The following WBP1L variants were observed in gnomAD, a reference collection of about 807,000 sequenced individuals.
WBP1L encodes WW domain binding protein 1-like.
A neutral mutation model predicts 33.7 loss-of-function variants in WBP1L; 17 were observed. That is an observed-to-expected ratio of 0.50 (90% CI 0.34 to 0.76). The LOEUF (loss-of-function observed/expected upper bound fraction) is 0.76, where lower values mean the gene tolerates loss of function less well. Among genes scored for constraint, WBP1L ranks in the 30% least tolerant of loss-of-function variants. WBP1L has a pLI of 0.01. For synonymous variants in WBP1L, 173 were observed against 190.8 expected, an observed-to-expected ratio of 0.91 and a Z score of 0.77; for missense variants, 389 against 469.4, an observed-to-expected ratio of 0.83 and a Z score of 1.58.
chr10:102,747,477 T>G (rs943272665), intron 1 of WBP1L, among the ~76,000 whole-genome samples: 1 of 152,218 alleles, frequency 6.6e-6, no homozygotes. Flanking sequence ...ATAGAGTTTC[T>G]TTTGGTTGTT....
chr10:102,786,804 G>A (rs1197672351), intron 1 of WBP1L, among the ~76,000 whole-genome samples: 1 of 152,180 alleles, frequency 6.6e-6, no homozygotes, highest in Non-Finnish European at 1.5e-5. Context: ...CCATGACACT[G>A]TGGGCTCATC....
chr10:102,747,298 T>C (rs1224384220), intron 1 of WBP1L, among the ~76,000 whole-genome samples: 1 of 148,648 alleles, frequency 6.7e-6, no homozygotes, highest in African/African-American at 2.5e-5. Flanking sequence ...AGGTAGAGGT[T>C]GTGGTGAGCC....
chr10:102,776,200 G>A (rs535634548), intron 1 of WBP1L: 26 of 1,474,238 alleles, frequency 1.8e-5, no homozygotes, highest in Non-Finnish European at 2.2e-5. Context: ...GGCAGGGGGA[G>A]TAGCGAGGAG....
At chr10:102,772,288 T>G (rs1321291736) in intron 1 of WBP1L, among the ~76,000 whole-genome samples, 1 of 105,782 alleles carries the variant, frequency 9.5e-6, no homozygotes, top group Non-Finnish European at 1.8e-5. Context: ...TTTGAGACAG[T>G]CTCGCTCTGT....
At chr10:102,791,959 G>A (rs1413064508) in intron 1 of WBP1L, among the ~76,000 whole-genome samples, 1 of 152,182 alleles carries the variant, frequency 6.6e-6, no homozygotes, top group Non-Finnish European at 1.5e-5. Context: ...GACCTTTACA[G>A]TGGCTCAGCT....
intron 1 of WBP1L, among the ~76,000 whole-genome samples, chr10:102,756,740 C>T (rs1842982136): frequency 6.6e-6 from 1 of 152,000 alleles, no homozygotes; most frequent in Non-Finnish European, 1.5e-5. Flanking sequence ...CCACGTTGTT[C>T]TCCGGTATGG....
intron 1 of WBP1L, among the ~76,000 whole-genome samples, chr10:102,792,730 G>T (rs1431562665): frequency 5.3e-5 from 8 of 151,938 alleles, no homozygotes; most frequent in African/African-American, 1.9e-4. Flanking sequence ...AAGTAGCTGG[G>T]ATTACAGGCA....
chr10:102,758,486 C>T (rs1168398094), intron 1 of WBP1L, among the ~76,000 whole-genome samples: 1 of 152,120 alleles, frequency 6.6e-6, no homozygotes, highest in African/African-American at 2.4e-5. Flanking sequence ...TCTTTTATGA[C>T]TGGTTTTCTT....
At chr10:102,788,855 T>G (rs1162491311) in intron 1 of WBP1L, among the ~76,000 whole-genome samples, 2 of 152,168 alleles carry the variant, frequency 1.3e-5, no homozygotes, top group African/African-American at 4.8e-5. Flanking sequence ...TGCAAAAATA[T>G]TTATATATTT....
At position 102,810,047 on chromosome 10, in the gene WBP1L, TTATTTCAG is replaced by T; in HGVS notation, c.351_355+3del. ...CCCACAATTACTCAGCGCTGCCATTTTATTTCAGTACGTACACCCAAGCCCCCATACCC... is the reference window on the plus strand; with the variant it reads ...CCCACAATTACTCAGCGCTGCCATTTTACGTACACCCAAGCCCCCATACCC... On this transcript the variant is annotated splice_donor_variant and coding_sequence_variant, in exon 3 of 4. Transcript: ENST00000448841. LOFTEE classifies it high-confidence loss of function. The T allele has an allele frequency of 6.2e-7, 1 of 1,611,298 alleles. No homozygotes were observed. Among genetic ancestry groups the T allele is most frequent in the Non-Finnish European group, 8.5e-7 (1 of 1,178,858 alleles).
At chr10:102,766,881 G>T (rs1843119249) in intron 1 of WBP1L, among the ~76,000 whole-genome samples, 1 of 151,914 alleles carries the variant, frequency 6.6e-6, no homozygotes, top group Non-Finnish European at 1.5e-5. Context: ...GTTTCATGTA[G>T]TTGGTGTGAT....
At chr10:102,773,865 A>C (rs201355349) in intron 1 of WBP1L, among the ~76,000 whole-genome samples, 1 of 43,170 alleles carries the variant, frequency 2.3e-5, no homozygotes, top group South Asian at 1.4e-3. Context: ...AAAACAAAAC[A>C]AAAAAAAAAA....
chr10:102,782,302 A>G (rs1165703556), intron 1 of WBP1L, among the ~76,000 whole-genome samples: 1 of 134,858 alleles, frequency 7.4e-6, no homozygotes, highest in Non-Finnish European at 1.5e-5. Context: ...TGTACTGGAC[A>G]GTAACTTAGT....
chr10:102,755,761 G>A (rs975826518), intron 1 of WBP1L, among the ~76,000 whole-genome samples: 1 of 151,486 alleles, frequency 6.6e-6, no homozygotes, highest in Admixed American at 6.6e-5. Context: ...ATTTTAAAAT[G>A]TTGGCCGGGC....
At chr10:102,764,241 C>T (rs976842870) in intron 1 of WBP1L, among the ~76,000 whole-genome samples, 1 of 152,184 alleles carries the variant, frequency 6.6e-6, no homozygotes, top group Non-Finnish European at 1.5e-5. Context: ...GAGCACAGTC[C>T]AAGGCCTTGG....
At position 102,757,884 on chromosome 10, in the gene WBP1L, C is replaced by T. The variant is rs1441620760; in HGVS notation, c.90+13741C>T. 9.1e-4 allele frequency among the ~76,000 whole-genome samples: 58 copies of T among 63,734 alleles called. No individual in the cohort carries two copies. In the East Asian group the frequency reaches 0.033, roughly 36 times the overall value. The allele number at this position is 63,734 out of a possible 152,430, so 41.8% of individuals were successfully genotyped here. On this transcript the variant is annotated intron_variant, in intron 1 of 3. Transcript: ENST00000448841. ...AGCCACTGTACCTGCCCTCCCCCCC[C>T]CCCTTTTTTTTTTTTTTTTGAGACA...
intron 1 of WBP1L, among the ~76,000 whole-genome samples, chr10:102,792,079 A>G (rs539308234): frequency 6.6e-6 from 1 of 152,346 alleles, no homozygotes; most frequent in South Asian, 2.1e-4. Flanking sequence ...TGCAAAAGGC[A>G]TACTGTTTAT....
intron 1 of WBP1L, among the ~76,000 whole-genome samples, chr10:102,772,776 C>T (rs1261126067): frequency 1.3e-5 from 2 of 148,738 alleles, no homozygotes; most frequent in Non-Finnish European, 2.9e-5. Context: ...TGCCATGTTG[C>T]CCAAGCTGGT....
At chr10:102,746,184 C>T (rs1357408338) in intron 1 of WBP1L, 1 of 984,782 alleles carries the variant, frequency 1.0e-6, no homozygotes, top group Non-Finnish European at 1.2e-6. Context: ...GTGTTGTGAA[C>T]ATGTGGAAGG....
Sources: gnomAD v4.1 joint callset for allele counts (sites outside exome capture counted in the v4.1 genomes callset) on GRCh38, gnomAD v4.1.1 for gene constraint, MANE v1.5 for transcripts, NCBI Gene and HGNC (gene_info 2026-07-23, HGNC 2026-07-21) for gene names.